The following NWD1 variants were observed in gnomAD, a reference collection of about 807,000 sequenced individuals.
The protein encoded by NWD1 is NACHT domain- and WD repeat-containing protein 1.
NWD1 carries 129 observed loss-of-function variants against 135.1 expected under a neutral mutation model. That is an observed-to-expected ratio of 0.96 (90% CI 0.83 to 1.11). The LOEUF (loss-of-function observed/expected upper bound fraction) is 1.11. NWD1 is among the 50% of genes least tolerant of loss of function. The pLI, the probability that NWD1 is intolerant of heterozygous loss-of-function variation, is 0.00. For missense variants in NWD1, 1,740 were observed against 1,851.3 expected, an observed-to-expected ratio of 0.94 and a Z score of 1.10; for synonymous variants, 773 against 786.0, an observed-to-expected ratio of 0.98 and a Z score of 0.28.
chr19:16,737,726 C>A (rs552834516), intron 4 of NWD1, among the ~76,000 whole-genome samples: 7 of 151,958 alleles, frequency 4.6e-5, no homozygotes, highest in Non-Finnish European at 8.8e-5. Context: ...GTAATCCCAG[C>A]ACTTTGGGAG....
At chr19:16,765,229 G>C in intron 10 of NWD1, 37 bp downstream of exon 10, 1 of 1,595,386 alleles carries the variant, frequency 6.3e-7, no homozygotes, top group Non-Finnish European at 8.6e-7. Flanking sequence ...TGACCAGGAC[G>C]GGCACTGACT....
intron 18 of NWD1, among the ~76,000 whole-genome samples, chr19:16,814,151 C>A (rs1245902911): frequency 6.6e-6 from 1 of 151,964 alleles, no homozygotes. Flanking sequence ...CAGAGTGAGA[C>A]CCTGTCAAAA....
intron 3 of NWD1, among the ~76,000 whole-genome samples, chr19:16,735,450 G>A (rs1245169020): frequency 6.6e-6 from 1 of 151,188 alleles, no homozygotes; most frequent in Non-Finnish European, 1.5e-5. Flanking sequence ...AGGTTGTGGT[G>A]AGCTGAGAGT....
At chr19:16,803,785 C>T (rs540019398) in intron 17 of NWD1, among the ~76,000 whole-genome samples, 48 of 150,274 alleles carry the variant, frequency 3.2e-4, no homozygotes, top group African/African-American at 1.1e-3. Context: ...ATTATCTGGG[C>T]GTGGTGGTGT....
intron 5 of NWD1, among the ~76,000 whole-genome samples, chr19:16,747,237 A>G (rs552367859): frequency 5.3e-5 from 8 of 151,674 alleles, no homozygotes; most frequent in South Asian, 4.2e-4. Context: ...GGGTTTCCCC[A>G]TGTTGCTCAG....
chr19:16,750,902 C>T (rs1293058806), intron 6 of NWD1, among the ~76,000 whole-genome samples: 1 of 151,304 alleles, frequency 6.6e-6, no homozygotes, highest in Admixed American at 6.6e-5. Flanking sequence ...GTTGCTTAGC[C>T]TAGTAAAAGT....
intron 11 of NWD1, among the ~76,000 whole-genome samples, chr19:16,776,685 T>TTGGGAGGCC (rs992693771): frequency 1.3e-5 from 2 of 150,388 alleles, no homozygotes; most frequent in African/African-American, 4.9e-5. Flanking sequence ...TCCCAGCTCT[T>TTGGGAGGCC]TGGGAGGCCA....
intron 11 of NWD1, among the ~76,000 whole-genome samples, chr19:16,773,938 C>CCA (rs1568369498): frequency 7.8e-6 from 1 of 127,592 alleles, no homozygotes; most frequent in Non-Finnish European, 1.6e-5. Flanking sequence ...ATCCATCCAT[C>CCA]TATCCATCCA....
At position 16,792,875 on chromosome 19, in the gene NWD1, T is replaced by A. The variant is rs1443993505; in HGVS notation, c.3213+1253T>A. Among the ~76,000 whole-genome samples the A allele has an allele frequency of 9.9e-4, 86 of 86,922 alleles. 1 individual carries two copies. In the South Asian group the frequency reaches 0.016, roughly 16 times the overall value. The allele number at this position is 86,922 out of a possible 152,430, so 57.0% of individuals were successfully genotyped here. ...CTGGGTGACAGATCAAAACTCCATC[T>A]CAAAAAAAAAAAAAAAAAAAGAAAG... On this transcript the variant is annotated intron_variant, in intron 14 of 18. Coordinates refer to ENST00000524140, the MANE Select transcript of NWD1 (RefSeq NM_001007525.5).
intron 13 of NWD1, among the ~76,000 whole-genome samples, chr19:16,791,122 TTC>T (rs1333494122): frequency 6.6e-6 from 1 of 151,898 alleles, no homozygotes; most frequent in East Asian, 1.9e-4. Context: ...TGGTCCCAGC[TTC>T]TTGGGAGGCT....
rs139039123 is a variant in NWD1 at position 16,794,613 on chromosome 19, G to C, written c.3304+60G>C. 6.6e-4 allele frequency: 790 copies of C among 1,192,048 alleles called. 3 individuals are homozygous for C. In the African/African-American group the frequency reaches 0.011, roughly 16 times the overall value. 73.8% of individuals were successfully genotyped at this position (1,192,048 alleles called of 1,614,324 possible). On this transcript the variant is annotated intron_variant, in intron 15 of 18. Transcript: ENST00000524140. ...GCTAATCAGGATCAGGTTGGAGAAG[G>C]GGGTGGGGCTTGGGAACAGAGAGAA...
rs1226303556 is a variant in NWD1, at chr19:16,789,178, A to G, written c.2928A>G (p.Ala976=). Residue 976 remains alanine (A), a synonymous_variant, in exon 13 of 19, where the codon GCA becomes GCG. Coordinates refer to ENST00000524140, the MANE Select transcript of NWD1 (RefSeq NM_001007525.5). ...AGGCACACAAAGTTGTGTATTCAGC[A>G]TCTGGCTCAAAGGTAACAAACATAT... ...VDEAHKVVYS[A]SGSKINAWNL... 6.2e-7 allele frequency: 1 copy of G among 1,613,574 alleles called. No homozygotes were observed. The highest frequency in any genetic ancestry group is 2.2e-5 in the East Asian group (1 of 44,886).
intron 13 of NWD1, 129 bp downstream of exon 13, chr19:16,789,319 C>A (rs1489988247): frequency 4.4e-6 from 3 of 683,242 alleles, no homozygotes; most frequent in East Asian, 5.4e-5. Flanking sequence ...AGTACACAAC[C>A]ACTTGAGAGG....
rs1971075959 is a variant in NWD1 at position 16,816,674 on chromosome 19, G to T, written c.*1635G>T. The T allele has an allele frequency of 6.6e-6, 1 of 152,144 alleles. No homozygotes were observed. The highest frequency in any genetic ancestry group is 6.5e-5 in the Admixed American group (1 of 15,280). 9.4% of individuals were successfully genotyped at this position (152,144 alleles called of 1,614,324 possible). ...AGTCTTCTCAGGCTTTTACTTTAAT[G>T]CTAGGATAGTCTAAATCTTCAAGGT... is the stretch of plus-strand genomic sequence containing the variant. On this transcript the variant is annotated 3_prime_UTR_variant, in exon 19 of 19. Transcript: ENST00000524140.
intron 15 of NWD1, among the ~76,000 whole-genome samples, chr19:16,795,490 C>G (rs1206739681): frequency 1.3e-5 from 2 of 149,820 alleles, no homozygotes; most frequent in Non-Finnish European, 3.0e-5. Flanking sequence ...GATCTCAGCT[C>G]ACTGCAACCT....
At chr19:16,794,424 C>T in intron 14 of NWD1, 39 bp from the exon 15 acceptor site, 1 of 1,191,482 alleles carries the variant, frequency 8.4e-7, no homozygotes, top group Non-Finnish European at 1.2e-6. Flanking sequence ...AACCCTTAAC[C>T]CGTGGAAGTG....
At chr19:16,780,415 CA>C (rs1011580597) in intron 12 of NWD1, among the ~76,000 whole-genome samples, 10 of 152,132 alleles carry the variant, frequency 6.6e-5, no homozygotes, top group Admixed American at 6.6e-4. Context: ...CTCGTCCTCC[CA>C]AAGTGCTGGG....
At chr19:16,772,357 C>A (rs201371479) in intron 10 of NWD1, among the ~76,000 whole-genome samples, 4 of 151,374 alleles carry the variant, frequency 2.6e-5, no homozygotes, top group South Asian at 4.2e-4. Flanking sequence ...AGAGTAAGAC[C>A]CTGTCTCTAA....
At chr19:16,752,300 C>T (rs548609808) in intron 6 of NWD1, among the ~76,000 whole-genome samples, 5 of 151,800 alleles carry the variant, frequency 3.3e-5, no homozygotes, top group Admixed American at 2.6e-4. Flanking sequence ...GTCAACCCAA[C>T]GAGGAGGTCT....
Sources: gnomAD v4.1 joint callset for allele counts (sites outside exome capture counted in the v4.1 genomes callset) on GRCh38, gnomAD v4.1.1 for gene constraint, MANE v1.5 for transcripts, NCBI Gene and HGNC (gene_info 2026-07-23, HGNC 2026-07-21) for gene names.